UPRT: variants seen among roughly 807,000 people sequenced by gnomAD.
UPRT encodes the protein uracil phosphoribosyltransferase homolog.
A neutral mutation model predicts 22.6 loss-of-function variants in UPRT; 5 were observed. The ratio of observed to expected loss-of-function variants is 0.22; its 90% CI spans 0.12 to 0.47. UPRT has a LOEUF of 0.47. Among genes scored for constraint, UPRT ranks in the 20% least tolerant of loss-of-function variants. The pLI, the probability that UPRT is intolerant of heterozygous loss-of-function variation, is 0.99. For missense variants in UPRT, 181 were observed against 239.9 expected, an observed-to-expected ratio of 0.75 and a Z score of 1.62; for synonymous variants, 77 against 87.7, an observed-to-expected ratio of 0.88 and a Z score of 0.68.
chrX:75,293,753 C>G (rs1428948164), intron 2 of UPRT, among the ~76,000 whole-genome samples: 2 of 111,462 alleles, frequency 1.8e-5, no homozygotes, highest in African/African-American at 6.5e-5. Context: ...ATAACACTAC[C>G]TCTCAAATGG....
At chrX:75,207,953 A>G (rs2082371258) in intron 4 of UPRT, among the ~76,000 whole-genome samples, 1 of 111,307 alleles carries the variant, frequency 9.0e-6, no homozygotes, top group Non-Finnish European at 1.9e-5. Flanking sequence ...TTCATTTTTT[A>G]AAGTGAGAGT....
intron 1 of UPRT, among the ~76,000 whole-genome samples, chrX:75,287,009 T>C: frequency 9.0e-6 from 1 of 111,497 alleles, no homozygotes; most frequent in Non-Finnish European, 1.9e-5. Flanking sequence ...GAAAAGAAGG[T>C]AGTAATATGT....
rs192398234 is a variant in UPRT, at chrX:75,223,607, T to G, written c.-447+55728T>G. Reference sequence around the variant, plus strand: ...CAGCTGAGTTCTGCATCATGTTGCTTTCCACTGACAGGACAGAAGTAAGTT... The same window carrying G: ...CAGCTGAGTTCTGCATCATGTTGCTGTCCACTGACAGGACAGAAGTAAGTT... On this transcript the variant is annotated intron_variant, in intron 4 of 13. Coordinates refer to the UPRT transcript ENST00000652605. Among the ~76,000 whole-genome samples the G allele has an allele frequency of 8.1e-4, 90 of 111,632 alleles. 1 individual carries two copies. The highest frequency in any genetic ancestry group is 2.1e-3 in the Admixed American group (22 of 10,548).
intron 4 of UPRT, among the ~76,000 whole-genome samples, chrX:75,185,725 C>G (rs2082287830): frequency 8.9e-6 from 1 of 111,844 alleles, no homozygotes; most frequent in Non-Finnish European, 1.9e-5. Context: ...TTCAGAGATT[C>G]AACTTCTTCC....
intron 1 of UPRT, among the ~76,000 whole-genome samples, chrX:75,282,870 G>A (rs2082664066): frequency 9.0e-6 from 1 of 111,701 alleles, no homozygotes; most frequent in Non-Finnish European, 1.9e-5. Flanking sequence ...TGTCAGTGGA[G>A]TACTGAAGTC....
At chrX:75,281,498 T>A (rs1033983863) in intron 1 of UPRT, among the ~76,000 whole-genome samples, 34 of 112,032 alleles carry the variant, frequency 3.0e-4, no homozygotes, top group African/African-American at 1.1e-3. Context: ...TGTTGAATGC[T>A]TTTTCTGCAT....
chrX:75,243,841 A>T (rs1034235155), intron 4 of UPRT, among the ~76,000 whole-genome samples: 1 of 111,549 alleles, frequency 9.0e-6, no homozygotes, highest in Admixed American at 9.6e-5. Flanking sequence ...CTGCATTTCG[A>T]TTACTGCTAA....
chrX:75,299,056 A>G (rs1487499458), intron 4 of UPRT, among the ~76,000 whole-genome samples: 1 of 113,138 alleles, frequency 8.8e-6, no homozygotes, highest in Non-Finnish European at 1.9e-5. Flanking sequence ...GAATTCTGAT[A>G]TGGCCTAAAA....
At chrX:75,246,067 CATTTT>C (rs1259818649) in intron 4 of UPRT, among the ~76,000 whole-genome samples, 12 of 110,764 alleles carry the variant, frequency 1.1e-4, no homozygotes, top group Non-Finnish European at 1.9e-4. Context: ...AAATGAATCT[CATTTT>C]ATATTTTAAA....
intron 4 of UPRT, among the ~76,000 whole-genome samples, chrX:75,195,449 G>C (rs1028432668): frequency 9.0e-6 from 1 of 111,706 alleles, no homozygotes; most frequent in South Asian, 3.7e-4. Flanking sequence ...GCAATGTAAG[G>C]TTTGGGGGGT....
chrX:75,200,184 C>G (rs2082343754), intron 4 of UPRT, among the ~76,000 whole-genome samples: 1 of 112,447 alleles, frequency 8.9e-6, no homozygotes, highest in South Asian at 3.7e-4. Flanking sequence ...TCTTCCATCT[C>G]CACTGCTATT....
At chrX:75,297,786 G>A in intron 4 of UPRT, 1 of 377,800 alleles carries the variant, frequency 2.6e-6, no homozygotes, top group East Asian at 4.2e-5. Flanking sequence ...GGGCAAGCCA[G>A]CTTTCAAAGA....
At chrX:75,214,498 G>C (rs953430980) in intron 4 of UPRT, among the ~76,000 whole-genome samples, 2 of 112,756 alleles carry the variant, frequency 1.8e-5, no homozygotes, top group Non-Finnish European at 3.7e-5. Context: ...AAGGGAACAT[G>C]ATGAGGTGGA....
At chrX:75,177,467 C>A (rs2082251857) in intron 4 of UPRT, among the ~76,000 whole-genome samples, 1 of 110,440 alleles carries the variant, frequency 9.1e-6, no homozygotes, top group South Asian at 4.0e-4. Flanking sequence ...GATTTAGTGG[C>A]CCTTACCGAC....
chrX:75,228,626 A>G (rs1156665624), intron 4 of UPRT, among the ~76,000 whole-genome samples: 1 of 111,649 alleles, frequency 9.0e-6, no homozygotes, highest in Admixed American at 9.5e-5. Context: ...TATCCTCCAG[A>G]AGACTTGCTT....
At chrX:75,258,647 C>A (rs781358514) in intron 4 of UPRT, among the ~76,000 whole-genome samples, 1 of 112,020 alleles carries the variant, frequency 8.9e-6, no homozygotes, top group Non-Finnish European at 1.9e-5. Context: ...ATAAAACCCC[C>A]ATCTTCCTGG....
chrX:75,170,223 GAC>G (rs1283066092), intron 4 of UPRT, among the ~76,000 whole-genome samples: 1 of 110,467 alleles, frequency 9.1e-6, no homozygotes, highest in Non-Finnish European at 1.9e-5. Flanking sequence ...TTTTAGTAGA[GAC>G]AGGGTTTTGC....
chrX:75,186,217 G>C (rs776439093), intron 4 of UPRT, among the ~76,000 whole-genome samples: 1 of 110,915 alleles, frequency 9.0e-6, no homozygotes, highest in Non-Finnish European at 1.9e-5. Flanking sequence ...TTCTGGTATG[G>C]TGTGTGTTTG....
intron 4 of UPRT, among the ~76,000 whole-genome samples, chrX:75,177,696 A>C (rs1230918901): frequency 1.8e-5 from 2 of 111,816 alleles, no homozygotes; most frequent in Non-Finnish European, 3.8e-5. Flanking sequence ...AGCTGCAGGA[A>C]TAGCTTTTGT....
Sources: gnomAD v4.1 joint callset for allele counts (sites outside exome capture counted in the v4.1 genomes callset) on GRCh38, gnomAD v4.1.1 for gene constraint, MANE v1.5 for transcripts, NCBI Gene and HGNC (gene_info 2026-07-23, HGNC 2026-07-21) for gene names.